Variants in MALRD1 observed in about 807,000 individuals in gnomAD.
The protein encoded by MALRD1 is MAM and LDL receptor class A domain containing 1, also known as MAM and LDL-receptor class A domain-containing protein 1.
MALRD1 carries 247 observed loss-of-function variants against 242.1 expected under a neutral mutation model. The ratio of observed to expected loss-of-function variants is 1.02; its 90% CI spans 0.92 to 1.13. The LOEUF (loss-of-function observed/expected upper bound fraction) is 1.13, where lower values mean the gene tolerates loss of function less well. MALRD1 is among the 50% of genes most tolerant of loss of function. The pLI, the probability that MALRD1 is intolerant of heterozygous loss-of-function variation, is 0.00. For missense variants in MALRD1, 2,989 were observed against 2,533.1 expected (o/e 1.18, Z -3.86); for synonymous variants, 995 against 866.6 (o/e 1.15, Z -2.60).
At chr10:19,585,278 C>T (rs558259357) in intron 33 of MALRD1, among the ~76,000 whole-genome samples, 22 of 151,212 alleles carry the variant, frequency 1.5e-4, no homozygotes, top group African/African-American at 5.1e-4. Context: ...ATGATGTTAG[C>T]TGGTTATTTT....
At chr10:19,297,588 A>T (rs1841767123) in intron 21 of MALRD1, among the ~76,000 whole-genome samples, 1 of 151,910 alleles carries the variant, frequency 6.6e-6, no homozygotes, top group Admixed American at 6.6e-5. Flanking sequence ...ATAAATGTAT[A>T]AACTATATTT....
chr10:19,693,810 A>C (rs914555904), intron 38 of MALRD1, among the ~76,000 whole-genome samples: 6 of 152,188 alleles, frequency 3.9e-5, no homozygotes, highest in Non-Finnish European at 8.8e-5. Flanking sequence ...GCATCACGCT[A>C]CCTGACTTCA....
chr10:19,495,823 A>G (rs940620899), intron 30 of MALRD1, among the ~76,000 whole-genome samples: 1 of 152,212 alleles, frequency 6.6e-6, no homozygotes, highest in Non-Finnish European at 1.5e-5. Context: ...GCTGTCTTCA[A>G]GAGACCCATC....
At chr10:19,348,917 G>A (rs1931883) in intron 25 of MALRD1, among the ~76,000 whole-genome samples, 25 of 152,232 alleles carry the variant, frequency 1.6e-4, no homozygotes, top group Non-Finnish European at 2.8e-4. Flanking sequence ...GTTCCCCAAT[G>A]TTTGACCTCC....
At chr10:19,510,030 A>G (rs1214176967) in intron 31 of MALRD1, among the ~76,000 whole-genome samples, 1 of 152,164 alleles carries the variant, frequency 6.6e-6, no homozygotes, top group African/African-American at 2.4e-5. Context: ...ATGTGGCAGG[A>G]CAATAGGGTA....
At chr10:19,718,844 A>G (rs1834548285) in intron 38 of MALRD1, among the ~76,000 whole-genome samples, 1 of 151,916 alleles carries the variant, frequency 6.6e-6, no homozygotes, top group Admixed American at 6.6e-5. Context: ...TGACTCCAGT[A>G]ATTTTACTAG....
intron 36 of MALRD1, among the ~76,000 whole-genome samples, chr10:19,618,882 T>A (rs1351851355): frequency 6.6e-6 from 1 of 152,066 alleles, no homozygotes; most frequent in Non-Finnish European, 1.5e-5. Context: ...TTCTTTCCTG[T>A]TGTCTAAATA....
intron 26 of MALRD1, among the ~76,000 whole-genome samples, chr10:19,365,961 T>C (rs1845091522): frequency 6.6e-6 from 1 of 152,046 alleles, no homozygotes; most frequent in African/African-American, 2.4e-5. Context: ...GATTTGTTTG[T>C]CATGAGCTTC....
intron 18 of MALRD1, among the ~76,000 whole-genome samples, chr10:19,223,855 A>C (rs1249042724): frequency 6.6e-6 from 1 of 152,180 alleles, no homozygotes; most frequent in Non-Finnish European, 1.5e-5. Context: ...AGCTTCATCC[A>C]TGTCTCTGCA....
intron 33 of MALRD1, among the ~76,000 whole-genome samples, chr10:19,588,518 T>G (rs1429105566): frequency 6.6e-6 from 1 of 152,252 alleles, no homozygotes; most frequent in East Asian, 1.9e-4. Flanking sequence ...GTTGTAGTGA[T>G]GCAATTACAA....
intron 18 of MALRD1, among the ~76,000 whole-genome samples, chr10:19,240,635 G>T (rs1190821067): frequency 6.6e-6 from 1 of 151,966 alleles, no homozygotes; most frequent in Admixed American, 6.6e-5. Context: ...TGACATCCTT[G>T]TCTTCCTCCA....
intron 36 of MALRD1, among the ~76,000 whole-genome samples, chr10:19,691,874 T>C (rs1209646770): frequency 6.6e-6 from 1 of 152,128 alleles, no homozygotes; most frequent in East Asian, 1.9e-4. Context: ...TAATGTAAAA[T>C]TTGAATCTGC....
In MALRD1 at chr10:19,361,497, C is replaced by T. The variant is rs145177139; in HGVS notation, c.4441+9200C>T. On this transcript the variant is annotated intron_variant, in intron 26 of 39. Coordinates refer to ENST00000454679, the MANE Select transcript of MALRD1 (RefSeq NM_001142308.3). ...TAATCTCTCACCTTTTCACTGCTATCTTGTGGTTTGGCATAGCAGCTAAGC... is the reference window on the plus strand; with the variant it reads ...TAATCTCTCACCTTTTCACTGCTATTTTGTGGTTTGGCATAGCAGCTAAGC... Among the ~76,000 whole-genome samples the T allele has an allele frequency of 2.6e-3, 391 of 152,274 alleles. 2 individuals carry two copies. Among genetic ancestry groups the T allele is most frequent in the African/African-American group, 9.1e-3 (378 of 41,566 alleles).
chr10:19,470,117 C>A (rs542593743), intron 29 of MALRD1, among the ~76,000 whole-genome samples: 2 of 152,162 alleles, frequency 1.3e-5, no homozygotes, highest in South Asian at 2.1e-4. Flanking sequence ...TTTCCCCCTT[C>A]CACCAGACTC....
chr10:19,399,462 C>G (rs1846732956), intron 28 of MALRD1, among the ~76,000 whole-genome samples: 1 of 152,130 alleles, frequency 6.6e-6, no homozygotes, highest in Non-Finnish European at 1.5e-5. Context: ...GCAATACATG[C>G]TCCAACCAAA....
At chr10:19,612,431 T>A (rs1400254536) in intron 35 of MALRD1, among the ~76,000 whole-genome samples, 3 of 151,900 alleles carry the variant, frequency 2.0e-5, no homozygotes, top group African/African-American at 2.4e-5. Context: ...AATTGCTGAT[T>A]TTTTTGAAAC....
At chr10:19,123,981 G>A (rs1588578605) in intron 6 of MALRD1, among the ~76,000 whole-genome samples, 1 of 150,552 alleles carries the variant, frequency 6.6e-6, no homozygotes, top group Non-Finnish European at 1.5e-5. Flanking sequence ...CGGGATGAGA[G>A]GATTGCTTGA....
intron 18 of MALRD1, among the ~76,000 whole-genome samples, chr10:19,220,728 C>T (rs1194309914): frequency 6.6e-6 from 1 of 152,116 alleles, no homozygotes. Context: ...GAAATGTTTT[C>T]TTACACCTGT....
At chr10:19,270,842 A>ACACACG (rs1380988363) in intron 19 of MALRD1, among the ~76,000 whole-genome samples, 2 of 149,630 alleles carry the variant, frequency 1.3e-5, no homozygotes, top group African/African-American at 2.5e-5. Context: ...ACACACACAC[A>ACACACG]CGCACACACA....
Sources: gnomAD v4.1 joint callset for allele counts (sites outside exome capture counted in the v4.1 genomes callset) on GRCh38, gnomAD v4.1.1 for gene constraint, MANE v1.5 for transcripts, NCBI Gene and HGNC (gene_info 2026-07-23, HGNC 2026-07-21) for gene names.